Variants in ASPRV1 observed in about 807,000 individuals in gnomAD.
ASPRV1 encodes the protein aspartic peptidase retroviral like 1, also known as retroviral-like aspartic protease 1.
A neutral mutation model predicts 11.0 loss-of-function variants in ASPRV1; 7 were observed. That is an observed-to-expected ratio of 0.64 (90% CI 0.36 to 1.20). The LOEUF (loss-of-function observed/expected upper bound fraction) is 1.20, where lower values mean the gene tolerates loss of function less well. Ranked by LOEUF, ASPRV1 falls within the 50% of genes most tolerant of loss-of-function variation. The pLI is 0.02. For missense variants in ASPRV1, 299 were observed against 320.0 expected, an observed-to-expected ratio of 0.93 and a Z score of 0.50; for synonymous variants, 136 against 138.4, an observed-to-expected ratio of 0.98 and a Z score of 0.12.
At chr2:69,984,680 TTGCGATCTCGGCTCCC>T in the ASPRV1 span, among the ~76,000 whole-genome samples, 24 of 146,408 alleles carry the variant, frequency 1.6e-4, no homozygotes, top group African/African-American at 6.3e-4. Context: ...GAGTGCAATA[TTGCGATCTCGGCTCCC>T]TGCAACCTCT....
At chr2:70,042,775 G>A in the ASPRV1 span, among the ~76,000 whole-genome samples, 2 of 152,142 alleles carry the variant, frequency 1.3e-5, no homozygotes, top group Non-Finnish European at 2.9e-5. Context: ...ATTAAGGTAG[G>A]GGGTACAGAC....
chr2:69,932,993 G>A, the ASPRV1 span, among the ~76,000 whole-genome samples: 49 of 152,182 alleles, frequency 3.2e-4, 1 homozygote, highest in Middle Eastern at 3.4e-3. Context: ...GAGGTCAGGA[G>A]TTCGAGACCA....
At chr2:70,031,727 G>A in the ASPRV1 span, 3 of 152,194 alleles carry the variant, frequency 2.0e-5, no homozygotes, top group Non-Finnish European at 4.4e-5. Context: ...TCATGTCAAT[G>A]AAATGATGAA....
the ASPRV1 span, among the ~76,000 whole-genome samples, chr2:70,005,552 C>T: frequency 6.6e-6 from 1 of 152,144 alleles, no homozygotes; most frequent in Non-Finnish European, 1.5e-5. Flanking sequence ...TCCTTCTTGT[C>T]AGCTTATTTT....
the ASPRV1 span, among the ~76,000 whole-genome samples, chr2:69,985,166 T>A: frequency 6.6e-6 from 1 of 152,210 alleles, no homozygotes. Context: ...CAGGTCCAGC[T>A]TTATCTGGCT....
chr2:69,981,692 G>T, the ASPRV1 span, among the ~76,000 whole-genome samples: 2 of 152,158 alleles, frequency 1.3e-5, no homozygotes, highest in African/African-American at 2.4e-5. Context: ...GGGTAGCTGG[G>T]TTTACAGGCA....
the ASPRV1 span, among the ~76,000 whole-genome samples, chr2:70,081,874 C>T: frequency 2.6e-5 from 4 of 151,758 alleles, no homozygotes; most frequent in Non-Finnish European, 4.4e-5. Context: ...TGTGAACCAC[C>T]GTGCCCAGAC....
chr2:69,938,243 A>G, the ASPRV1 span: 2 of 1,614,212 alleles, frequency 1.2e-6, no homozygotes, highest in Non-Finnish European at 8.5e-7. Context: ...CATCAAGAGA[A>G]TAAAGCTGCA....
chr2:70,036,888 AC>A, the ASPRV1 span, among the ~76,000 whole-genome samples: 1 of 151,496 alleles, frequency 6.6e-6, no homozygotes, highest in African/African-American at 2.4e-5. Flanking sequence ...GCCCACTCCT[AC>A]CTCTCCCCAG....
chr2:69,984,198 C>T, the ASPRV1 span, among the ~76,000 whole-genome samples: 39 of 152,206 alleles, frequency 2.6e-4, no homozygotes, highest in East Asian at 6.4e-3. Flanking sequence ...ACCACCATAC[C>T]CAGCTAATTT....
At chr2:70,081,649 T>A in the ASPRV1 span, among the ~76,000 whole-genome samples, 1 of 152,112 alleles carries the variant, frequency 6.6e-6, no homozygotes, top group Non-Finnish European at 1.5e-5. Flanking sequence ...AGTGACGCGA[T>A]CATGGCTCAA....
At chr2:70,076,076 C>T in the ASPRV1 span, among the ~76,000 whole-genome samples, 1 of 149,436 alleles carries the variant, frequency 6.7e-6, no homozygotes, top group East Asian at 2.0e-4. Flanking sequence ...TCATTCATGT[C>T]TTTGGATCTA....
the ASPRV1 span, among the ~76,000 whole-genome samples, chr2:70,071,994 C>T: frequency 6.6e-6 from 1 of 150,952 alleles, no homozygotes; most frequent in Non-Finnish European, 1.5e-5. Flanking sequence ...CTCTATTGCC[C>T]AGGCTGGAGT....
chr2:70,015,331 C>G, the ASPRV1 span: 1 of 152,186 alleles, frequency 6.6e-6, no homozygotes, highest in African/African-American at 2.4e-5. Flanking sequence ...TTTATCAAGA[C>G]AATATAACAA....
At chr2:70,064,163 A>G in the ASPRV1 span, among the ~76,000 whole-genome samples, 1 of 152,232 alleles carries the variant, frequency 6.6e-6, no homozygotes, top group African/African-American at 2.4e-5. Flanking sequence ...TAGATGGTTC[A>G]TCCAGGCAAA....
At chr2:70,055,866 T>TGA in the ASPRV1 span, 3 of 151,720 alleles carry the variant, frequency 2.0e-5, no homozygotes, top group East Asian at 3.9e-4. Flanking sequence ...TCGCTTGAGG[T>TGA]GAGGAGTTCA....
the ASPRV1 span, among the ~76,000 whole-genome samples, chr2:69,948,977 G>A: frequency 1.3e-5 from 2 of 152,052 alleles, no homozygotes; most frequent in African/African-American, 2.4e-5. Context: ...GCGGCGGACT[G>A]CGCTTCACTC....
chr2:69,997,717 A>AG, the ASPRV1 span, among the ~76,000 whole-genome samples: 13 of 152,344 alleles, frequency 8.5e-5, no homozygotes, highest in South Asian at 2.7e-3. Context: ...GATGAGCAAC[A>AG]GAATGACCTG....
the ASPRV1 span, chr2:70,031,307 G>C: frequency 6.6e-6 from 1 of 152,112 alleles, no homozygotes; most frequent in African/African-American, 2.4e-5. Context: ...TTTGCAAGGA[G>C]AACTATATAA....
Sources: gnomAD v4.1 joint callset for allele counts (sites outside exome capture counted in the v4.1 genomes callset) on GRCh38, gnomAD v4.1.1 for gene constraint, MANE v1.5 for transcripts, NCBI Gene and HGNC (gene_info 2026-07-23, HGNC 2026-07-21) for gene names.